SMAD3: variants seen among roughly 807,000 people sequenced by gnomAD.
SMAD3 encodes MAD homolog 3.
In SMAD3, 12 loss-of-function variants were observed where a neutral mutation model predicts 51.8. That is an observed-to-expected ratio of 0.23 (90% CI 0.15 to 0.38). The LOEUF is 0.38. Among genes scored for constraint, SMAD3 ranks in the 10% least tolerant of loss-of-function variants. SMAD3 has a pLI of 1.00. For synonymous variants in SMAD3, 238 were observed against 227.7 expected (o/e 1.05, Z -0.41); for missense variants, 294 against 565.6 (o/e 0.52, Z 4.87).
At chr15:67,083,464 C>G (rs1960320540) in intron 1 of SMAD3, among the ~76,000 whole-genome samples, 1 of 152,168 alleles carries the variant, frequency 6.6e-6, no homozygotes, top group African/African-American at 2.4e-5. Context: ...GGCTTTGATC[C>G]AGGGATCTTT....
At chr15:67,072,732 G>A (rs986751179) in intron 1 of SMAD3, among the ~76,000 whole-genome samples, 23 of 152,170 alleles carry the variant, frequency 1.5e-4, no homozygotes, top group African/African-American at 5.6e-4. Context: ...CTAAGGAGGG[G>A]TATGACCTTC....
chr15:67,169,463 T>A (rs999559594), intron 4 of SMAD3, among the ~76,000 whole-genome samples: 1 of 152,080 alleles, frequency 6.6e-6, no homozygotes, highest in Non-Finnish European at 1.5e-5. Context: ...TTAGACCCCA[T>A]AGGGTGGTTA....
intron 6 of SMAD3, among the ~76,000 whole-genome samples, chr15:67,184,019 A>G (rs898695856): frequency 2.6e-5 from 4 of 152,090 alleles, no homozygotes; most frequent in African/African-American, 7.2e-5. Flanking sequence ...TAGTAGTAGC[A>G]GTAGCAGCAA....
At chr15:67,077,019 GTC>G (rs751834969) in intron 1 of SMAD3, among the ~76,000 whole-genome samples, 1 of 152,194 alleles carries the variant, frequency 6.6e-6, no homozygotes, top group African/African-American at 2.4e-5. Context: ...CTTGGGCTGG[GTC>G]TCTCTGAGCT....
At chr15:67,084,317 G>C (rs1960344452) in intron 1 of SMAD3, among the ~76,000 whole-genome samples, 2 of 151,318 alleles carry the variant, frequency 1.3e-5, no homozygotes, top group Non-Finnish European at 2.9e-5. Context: ...TCCTGACCTC[G>C]TGATCTGCCT....
At chr15:67,098,871 T>C (rs1352846465) in intron 1 of SMAD3, 2 of 701,716 alleles carry the variant, frequency 2.9e-6, no homozygotes, top group Non-Finnish European at 5.2e-6. Context: ...AGGGCATACA[T>C]GGATGGGAGG....
chr15:67,092,750 C>A (rs187183651), intron 1 of SMAD3, among the ~76,000 whole-genome samples: 8 of 152,350 alleles, frequency 5.3e-5, no homozygotes, highest in South Asian at 2.1e-4. Context: ...CAAGCCTGCC[C>A]TTGCTCTTAA....
rs1450299083 is a variant in SMAD3 at position 67,191,581 on chromosome 15, CTGAG to C, written c.*1050_*1053del. ...TGGGCTGGCACATTGACTGGGAAAC[CTGAG>C]TGAGACCCAGCAACTGCTTCTCTCC... is the stretch of plus-strand genomic sequence containing the variant. On this transcript the variant is annotated 3_prime_UTR_variant, in exon 9 of 9. Coordinates refer to ENST00000327367, the MANE Select transcript of SMAD3 (RefSeq NM_005902.4). The C allele has an allele frequency of 2.6e-5, 6 of 233,100 alleles. No homozygotes were observed. Among genetic ancestry groups the C allele is most frequent in the African/African-American group, 1.1e-4 (5 of 45,314 alleles). The allele number at this position is 233,100 out of a possible 1,614,324, so 14.4% of individuals were successfully genotyped here. A position where few individuals can be genotyped will look rare whatever the true frequency, so the allele number is the denominator to read the frequency against.
intron 3 of SMAD3, chr15:67,166,091 C>T: frequency 1.3e-6 from 1 of 785,512 alleles, no homozygotes; most frequent in South Asian, 5.5e-5. Context: ...GTTTACTGGG[C>T]TGAGATTGGC....
At chr15:67,072,192 A>G (rs1039806235) in intron 1 of SMAD3, among the ~76,000 whole-genome samples, 17 of 152,232 alleles carry the variant, frequency 1.1e-4, no homozygotes, top group African/African-American at 4.1e-4. Flanking sequence ...GTATTATTAT[A>G]ATGGAATAAA....
intron 1 of SMAD3, among the ~76,000 whole-genome samples, chr15:67,116,090 C>T (rs1343386263): frequency 6.6e-6 from 1 of 152,226 alleles, no homozygotes; most frequent in Non-Finnish European, 1.5e-5. Context: ...TCTAACATCT[C>T]CTGTTCAGTT....
chr15:67,135,248 A>G (rs1242129261), intron 1 of SMAD3, among the ~76,000 whole-genome samples: 3 of 152,262 alleles, frequency 2.0e-5, no homozygotes, highest in East Asian at 3.9e-4. Flanking sequence ...TGAGGGTAAG[A>G]AAGATAAGCT....
intron 1 of SMAD3, among the ~76,000 whole-genome samples, chr15:67,136,959 T>C (rs1287401367): frequency 1.3e-5 from 2 of 152,186 alleles, no homozygotes; most frequent in Non-Finnish European, 2.9e-5. Context: ...CTGCCTGAGG[T>C]CAGCTCAATG....
intron 1 of SMAD3, among the ~76,000 whole-genome samples, chr15:67,118,561 C>G (rs772989610): frequency 2.6e-5 from 4 of 152,138 alleles, no homozygotes; most frequent in Non-Finnish European, 5.9e-5. Flanking sequence ...TCACTATTGT[C>G]ACGGAAGGCG....
chr15:67,078,293 A>G (rs1449400271), intron 1 of SMAD3, among the ~76,000 whole-genome samples: 3 of 152,170 alleles, frequency 2.0e-5, no homozygotes, highest in Non-Finnish European at 2.9e-5. Context: ...CAGGCCCCCA[A>G]ATTAGATCTC....
In SMAD3 at chr15:67,194,281, TAAGGAGC is replaced by T. The variant is rs931673111; in HGVS notation, c.*3747_*3753del. ...TTCACAATGTATTTTCATCACAGTT[TAAGGAGC>T]ATCAGCCGCTTCTCAAGTGGGTAGG... On this transcript the variant is annotated 3_prime_UTR_variant, in exon 9 of 9. Transcript: ENST00000327367. The T allele has an allele frequency of 4.3e-6, 1 of 233,270 alleles. No homozygotes were observed. The highest frequency in any genetic ancestry group is 8.5e-6 in the Non-Finnish European group (1 of 118,034). 14.5% of individuals were successfully genotyped at this position (233,270 alleles called of 1,614,324 possible).
intron 1 of SMAD3, among the ~76,000 whole-genome samples, chr15:67,087,717 GC>G (rs756993942): frequency 4.0e-5 from 6 of 151,194 alleles, no homozygotes; most frequent in Admixed American, 6.6e-5. Flanking sequence ...CCTGTATAGA[GC>G]AAAGTATGCA....
chr15:67,177,494 C>T (rs1273775857), intron 5 of SMAD3, among the ~76,000 whole-genome samples: 2 of 131,076 alleles, frequency 1.5e-5, no homozygotes, highest in Non-Finnish European at 1.5e-5. Context: ...GTGATCTTGG[C>T]TCACTGCAAC....
At chr15:67,187,030 C>T (rs755041812) in intron 7 of SMAD3, 22 of 499,922 alleles carry the variant, frequency 4.4e-5, no homozygotes, top group South Asian at 3.4e-4. Flanking sequence ...GAAAGGCCCC[C>T]CTCTCCACAC....
Sources: allele counts gnomAD v4.1 joint callset (sites outside exome capture counted in the v4.1 genomes callset), GRCh38; gene constraint gnomAD v4.1.1; transcripts MANE v1.5; gene names NCBI Gene and HGNC (gene_info 2026-07-23, HGNC 2026-07-21).